Variants in RBFOX1 observed in about 807,000 individuals in gnomAD.
RBFOX1 encodes the protein RNA binding protein fox-1 homolog 1.
In RBFOX1, 8 loss-of-function variants were observed where a neutral mutation model predicts 57.7. That is an observed-to-expected ratio of 0.14 (90% CI 0.08 to 0.25). The LOEUF (loss-of-function observed/expected upper bound fraction) is 0.25. Among genes scored for constraint, RBFOX1 ranks in the 10% least tolerant of loss-of-function variants. RBFOX1 has a pLI of 1.00. For synonymous variants in RBFOX1, 326 were observed against 222.4 expected (o/e 1.47, Z -4.15); for missense variants, 611 against 548.5 (o/e 1.11, Z -1.14).
chr16:5,479,243 G>A (rs766907701), intron 2 of RBFOX1, among the ~76,000 whole-genome samples: 17 of 151,984 alleles, frequency 1.1e-4, no homozygotes, highest in Admixed American at 1.3e-4. Flanking sequence ...CATTTGATTG[G>A]CACCAAGCCT....
At chr16:6,812,405 G>A (rs528124983) in intron 3 of RBFOX1, among the ~76,000 whole-genome samples, 1 of 152,080 alleles carries the variant, frequency 6.6e-6, no homozygotes, top group South Asian at 2.1e-4. Flanking sequence ...CGGAGTCTGG[G>A]TCTTGTCACC....
At chr16:5,688,873 C>T (rs1200221455) in intron 3 of RBFOX1, among the ~76,000 whole-genome samples, 1 of 152,154 alleles carries the variant, frequency 6.6e-6, no homozygotes, top group East Asian at 1.9e-4. Context: ...CTTCTACTGC[C>T]TCTCATCTCT....
chr16:7,042,175 A>C (rs901802207), intron 3 of RBFOX1, among the ~76,000 whole-genome samples: 2 of 152,224 alleles, frequency 1.3e-5, no homozygotes, highest in African/African-American at 4.8e-5. Context: ...AACACTAGCT[A>C]GTCGGTGCAT....
intron 3 of RBFOX1, among the ~76,000 whole-genome samples, chr16:5,715,259 T>A (rs577619294): frequency 6.6e-6 from 1 of 152,310 alleles, no homozygotes; most frequent in South Asian, 2.1e-4. Flanking sequence ...CTAATTCAAT[T>A]ACAGAGAAGC....
intron 4 of RBFOX1, among the ~76,000 whole-genome samples, chr16:7,115,551 G>T (rs2065712087): frequency 6.6e-6 from 1 of 152,270 alleles, no homozygotes; most frequent in East Asian, 1.9e-4. Flanking sequence ...GACCTTCACT[G>T]AGCTCTCTCA....
intron 3 of RBFOX1, among the ~76,000 whole-genome samples, chr16:6,948,879 C>G (rs1284981875): frequency 3.3e-5 from 5 of 152,082 alleles, no homozygotes; most frequent in Admixed American, 2.0e-4. Context: ...TTACAGTGAC[C>G]AGAGGGACAG....
At chr16:7,655,175 C>T (rs1055891829) in intron 12 of RBFOX1, among the ~76,000 whole-genome samples, 2 of 152,254 alleles carry the variant, frequency 1.3e-5, no homozygotes, top group African/African-American at 4.8e-5. Flanking sequence ...CATATTCATT[C>T]TAAACCAGAG....
At chr16:7,448,268 G>A (rs894851427) in intron 4 of RBFOX1, among the ~76,000 whole-genome samples, 1 of 151,902 alleles carries the variant, frequency 6.6e-6, no homozygotes, top group Admixed American at 6.6e-5. Flanking sequence ...GATTCCTTCT[G>A]AGAACTCTAA....
At chr16:5,395,040 C>T (rs551578016) in intron 1 of RBFOX1, among the ~76,000 whole-genome samples, 31 of 152,224 alleles carry the variant, frequency 2.0e-4, no homozygotes, top group Admixed American at 4.6e-4. Flanking sequence ...GCCAGGTGCT[C>T]GACACCCTTC....
At chr16:6,507,841 G>A (rs188628734) in intron 2 of RBFOX1, among the ~76,000 whole-genome samples, 1,617 of 151,758 alleles carry the variant, frequency 0.011, 15 homozygotes, top group Non-Finnish European at 0.015. Context: ...GGGAATGGGG[G>A]TTTTGTTTTA....
intron 2 of RBFOX1, among the ~76,000 whole-genome samples, chr16:6,521,553 C>T (rs1464052163): frequency 6.7e-6 from 1 of 148,680 alleles, no homozygotes; most frequent in Non-Finnish European, 1.5e-5. Flanking sequence ...CCTCTCCTTC[C>T]CTCGCTCTCT....
At chr16:5,899,656 G>C (rs1056853033) in intron 4 of RBFOX1, among the ~76,000 whole-genome samples, 1 of 152,154 alleles carries the variant, frequency 6.6e-6, no homozygotes, top group African/African-American at 2.4e-5. Flanking sequence ...TCCCTGGTGG[G>C]TGGTGCATTA....
At chr16:5,969,765 C>A (rs920417683) in intron 4 of RBFOX1, among the ~76,000 whole-genome samples, 1 of 151,936 alleles carries the variant, frequency 6.6e-6, no homozygotes, top group South Asian at 2.1e-4. Context: ...ATGTCTGTCC[C>A]CTCCTCCTCA....
At chr16:5,721,535 T>C (rs1289997943) in intron 3 of RBFOX1, among the ~76,000 whole-genome samples, 1 of 152,234 alleles carries the variant, frequency 6.6e-6, no homozygotes, top group African/African-American at 2.4e-5. Context: ...CCCACCTTTG[T>C]CTTGCCCCTC....
intron 4 of RBFOX1, among the ~76,000 whole-genome samples, chr16:5,916,925 T>C (rs2058715851): frequency 6.6e-6 from 1 of 152,100 alleles, no homozygotes; most frequent in Non-Finnish European, 1.5e-5. Context: ...TGAATTCAGC[T>C]GTGCGCAGGA....
intron 2 of RBFOX1, among the ~76,000 whole-genome samples, chr16:6,345,185 T>C (rs987973527): frequency 1.2e-4 from 19 of 152,124 alleles, no homozygotes; most frequent in African/African-American, 4.1e-4. Flanking sequence ...AATCCCCACA[T>C]TGGCGCTGCG....
At chr16:7,504,158 T>G (rs1004846011) in intron 4 of RBFOX1, among the ~76,000 whole-genome samples, 2 of 152,128 alleles carry the variant, frequency 1.3e-5, no homozygotes, top group African/African-American at 4.8e-5. Context: ...CATCATGACC[T>G]GAGATAATTT....
rs151089525 is a variant in RBFOX1 at position 5,614,727 on chromosome 16, G to C, written c.318+15766G>C. On this transcript the variant is annotated intron_variant, in intron 3 of 19. Coordinates refer to the RBFOX1 transcript ENST00000641259. ...CTAGCAGGAAGAAGACACATTTATT[G>C]AGTGCTTACTGAATGCAAATCTAGA... Among the ~76,000 whole-genome samples the C allele has an allele frequency of 5.5e-3, 843 of 152,304 alleles. 8 individuals carry two copies. The highest frequency in any genetic ancestry group is 0.019 in the African/African-American group (779 of 41,552).
intron 1 of RBFOX1, among the ~76,000 whole-genome samples, chr16:6,166,753 C>T (rs1377811634): frequency 1.3e-5 from 2 of 151,984 alleles, no homozygotes; most frequent in Admixed American, 6.6e-5. Flanking sequence ...CAGTCATGTG[C>T]CCAGCCCCGT....
Sources: gnomAD v4.1 joint callset for allele counts (sites outside exome capture counted in the v4.1 genomes callset) on GRCh38, gnomAD v4.1.1 for gene constraint, MANE v1.5 for transcripts, NCBI Gene and HGNC (gene_info 2026-07-23, HGNC 2026-07-21) for gene names.